Variants in ACER3 observed in about 807,000 individuals in gnomAD.
The protein encoded by ACER3 is alkaline ceramidase 3.
ACER3 carries 16 observed loss-of-function variants against 48.9 expected under a neutral mutation model. The ratio of observed to expected loss-of-function variants is 0.33; its 90% CI spans 0.22 to 0.50. The LOEUF is 0.50. Ranked by LOEUF, ACER3 falls within the 20% of genes least tolerant of loss-of-function variation. The pLI is 0.98. For missense variants in ACER3, 227 were observed against 326.0 expected (o/e 0.70, Z 2.34); for synonymous variants, 109 against 107.8 (o/e 1.01, Z -0.07).
At chr11:76,940,556 G>A (rs957992103) in intron 2 of ACER3, among the ~76,000 whole-genome samples, 2 of 152,170 alleles carry the variant, frequency 1.3e-5, no homozygotes, top group Non-Finnish European at 2.9e-5. Context: ...ACTTAACAAT[G>A]AATGAGAGTT....
chr11:76,982,808 G>T (rs536657526), intron 4 of ACER3, among the ~76,000 whole-genome samples: 1 of 151,920 alleles, frequency 6.6e-6, no homozygotes, highest in African/African-American at 2.4e-5. Context: ...TTTACATTTA[G>T]GTCCATGATC....
intron 3 of ACER3, among the ~76,000 whole-genome samples, chr11:76,975,472 G>A (rs559152645): frequency 2.6e-5 from 4 of 151,636 alleles, no homozygotes; most frequent in Non-Finnish European, 5.9e-5. Flanking sequence ...ATTTCTCAGA[G>A]GTATACTTTA....
Position 76,919,959 on chromosome 11 carries a change from T to C in ACER3, c.104-6598T>C, listed in dbSNP as rs142739912. 2.1e-3 allele frequency among the ~76,000 whole-genome samples: 313 copies of C among 152,316 alleles called. 10 individuals carry two copies. The highest frequency in any genetic ancestry group is 0.017 in the Admixed American group (266 of 15,298). On this transcript the variant is annotated intron_variant, in intron 1 of 10. Transcript: ENST00000532485. ...TTCTTAGCTCTGAGTTCAACATTCA[T>C]TGCATGGTTGGTGAAAATAGACCTG...
chr11:77,007,436 G>T (rs1038620176), intron 7 of ACER3, among the ~76,000 whole-genome samples: 5 of 152,152 alleles, frequency 3.3e-5, no homozygotes, highest in Non-Finnish European at 7.3e-5. Flanking sequence ...GGCAAGCCAG[G>T]GGGAGAAGAG....
rs771925053 is a variant in ACER3, at chr11:76,976,266, TTATC to T, written c.268-17_268-14del. On this transcript the variant is annotated intron_variant, in intron 3 of 10. Transcript: ENST00000532485. ...TGCTGCTCCATGATATTCAAGCCTG[TTATC>T]TATCTTTGTTTCTTACAGCTATTGG... 2 of 1,573,846 alleles carry T rather than the reference TTATC, an allele frequency of 1.3e-6. No homozygotes were observed. The highest frequency in any genetic ancestry group is 1.7e-6 in the Non-Finnish European group (2 of 1,148,712).
intron 1 of ACER3, among the ~76,000 whole-genome samples, chr11:76,862,712 A>G (rs1348004779): frequency 2.4e-4 from 37 of 152,188 alleles, no homozygotes; most frequent in Admixed American, 2.4e-3. Flanking sequence ...TGTAATGGGG[A>G]AAAGTTTGCT....
intron 7 of ACER3, among the ~76,000 whole-genome samples, chr11:77,014,244 AT>A (rs1229270520): frequency 1.3e-5 from 2 of 152,172 alleles, no homozygotes; most frequent in African/African-American, 4.8e-5. Context: ...CCTCACAGGG[AT>A]TTTTTTAACA....
chr11:77,020,208 C>A, intron 10 of ACER3, 66 bp from the exon 11 acceptor site: 1 of 1,550,412 alleles, frequency 6.4e-7, no homozygotes, highest in South Asian at 1.1e-5. Flanking sequence ...CTTTCTCATT[C>A]TTTTTCAGGG....
At chr11:76,951,181 A>G in intron 2 of ACER3, among the ~76,000 whole-genome samples, 1 of 152,166 alleles carries the variant, frequency 6.6e-6, no homozygotes, top group East Asian at 1.9e-4. Context: ...GTTACAACTT[A>G]TTTTTTATCA....
chr11:76,934,436 G>A (rs974825948), intron 2 of ACER3, among the ~76,000 whole-genome samples: 68 of 152,352 alleles, frequency 4.5e-4, no homozygotes, highest in African/African-American at 1.3e-3. Context: ...CTGCAATCCC[G>A]GCACCTCGGG....
In ACER3 at chr11:77,022,908, T is replaced by C. The variant is rs1429179512; in HGVS notation, c.*2581T>C. On this transcript the variant is annotated 3_prime_UTR_variant, in exon 11 of 11. Transcript: ENST00000532485. ...AAAAAAAAAAGAAAAGAAAAGAAAA[T>C]ATAAGGATGTAAAAGAAGCAATTTG... The C allele has an allele frequency of 5.6e-6, 2 of 358,988 alleles. No homozygotes were observed. Among genetic ancestry groups the C allele is most frequent in the Non-Finnish European group, 9.7e-6 (2 of 205,360 alleles). The allele number at this position is 358,988 out of a possible 1,614,324, so 22.2% of individuals were successfully genotyped here.
intron 1 of ACER3, among the ~76,000 whole-genome samples, chr11:76,914,127 A>G (rs1398680700): frequency 6.6e-6 from 1 of 152,254 alleles, no homozygotes; most frequent in Non-Finnish European, 1.5e-5. Flanking sequence ...AGCATTCAGG[A>G]CATAGGCATG....
chr11:76,909,113 A>G (rs1357338170), intron 1 of ACER3, among the ~76,000 whole-genome samples: 2 of 152,208 alleles, frequency 1.3e-5, no homozygotes, highest in Non-Finnish European at 2.9e-5. Flanking sequence ...CCTTGTACAA[A>G]AATTAACTCA....
intron 5 of ACER3, 53 bp from the exon 6 acceptor site, chr11:76,990,486 T>TC (rs1565216468): frequency 2.3e-6 from 3 of 1,299,772 alleles, no homozygotes; most frequent in Non-Finnish European, 2.2e-6. Flanking sequence ...AGTCGGTTTT[T>TC]CCCCCCTTCA....
At chr11:76,992,329 T>C (rs892612070) in intron 6 of ACER3, among the ~76,000 whole-genome samples, 4 of 152,218 alleles carry the variant, frequency 2.6e-5, no homozygotes, top group Non-Finnish European at 4.4e-5. Flanking sequence ...ATATAAAATT[T>C]GGAAATTCTG....
intron 1 of ACER3, among the ~76,000 whole-genome samples, chr11:76,881,774 G>A (rs887751598): frequency 7.2e-5 from 11 of 152,046 alleles, no homozygotes; most frequent in East Asian, 3.9e-4. Context: ...GCTCTTCACC[G>A]TTGTCTGAGG....
At chr11:76,996,172 G>A (rs1948905472) in intron 6 of ACER3, among the ~76,000 whole-genome samples, 1 of 151,950 alleles carries the variant, frequency 6.6e-6, no homozygotes, top group African/African-American at 2.4e-5. Flanking sequence ...TTGATGATTA[G>A]TCTGAACCCT....
Position 76,953,947 on chromosome 11 carries a change from CTTT to C in ACER3, c.215-5017_215-5015del, listed in dbSNP as rs71043520. Among the ~76,000 whole-genome samples, 164 of 129,968 alleles carry C rather than the reference CTTT, an allele frequency of 1.3e-3. 1 individual carries two copies. The highest frequency in any genetic ancestry group is 1.3e-3 in the Non-Finnish European group (81 of 60,114). 85.3% of individuals were successfully genotyped at this position (129,968 alleles called of 152,430 possible). ...AGATTTTAACATCGCTTTAAAAGTTCTTTTTTTTTTTTTTTTTGAGATGGAGTT... is the reference window on the plus strand; with the variant it reads ...AGATTTTAACATCGCTTTAAAAGTTCTTTTTTTTTTTTTTGAGATGGAGTT... On this transcript the variant is annotated intron_variant, in intron 2 of 10. Transcript: ENST00000532485.
At chr11:76,926,260 C>T (rs1375577900) in intron 1 of ACER3, among the ~76,000 whole-genome samples, 2 of 152,186 alleles carry the variant, frequency 1.3e-5, no homozygotes, top group Non-Finnish European at 2.9e-5. Flanking sequence ...TCTGCTGTAT[C>T]TCTGAGGTTC....
Sources: allele counts gnomAD v4.1 joint callset (sites outside exome capture counted in the v4.1 genomes callset), GRCh38; gene constraint gnomAD v4.1.1; transcripts MANE v1.5; gene names NCBI Gene and HGNC (gene_info 2026-07-23, HGNC 2026-07-21).